The following EYA1 variants were observed in gnomAD, a reference collection of about 807,000 sequenced individuals.
The protein encoded by EYA1 is EYA transcriptional coactivator and phosphatase 1, also known as protein phosphatase EYA1.
In EYA1, 16 loss-of-function variants were observed where a neutral mutation model predicts 82.0. The ratio of observed to expected loss-of-function variants is 0.20; its 90% CI spans 0.13 to 0.30. EYA1 has a LOEUF of 0.30. Among genes scored for constraint, EYA1 ranks in the 10% least tolerant of loss-of-function variants. The pLI, the probability that EYA1 is intolerant of heterozygous loss-of-function variation, is 1.00. For synonymous variants in EYA1, 261 were observed against 264.4 expected (o/e 0.99, Z 0.12); for missense variants, 633 against 730.7 (o/e 0.87, Z 1.54).
chr8:71,447,082 TTA>T (rs5892279), intron 2 of EYA1, among the ~76,000 whole-genome samples: 56,133 of 144,652 alleles, frequency 0.39, 11,175 homozygotes, highest in East Asian at 0.67. Context: ...TTGATAATCT[TTA>T]TATATATATA....
intron 11 of EYA1, among the ~76,000 whole-genome samples, chr8:71,252,221 A>C (rs1294579068): frequency 6.6e-6 from 1 of 151,958 alleles, no homozygotes; most frequent in Non-Finnish European, 1.5e-5. Context: ...CACACACCAG[A>C]TGAAGGCATT....
chr8:71,427,675 A>G (rs1449240234), intron 2 of EYA1, among the ~76,000 whole-genome samples: 1 of 152,184 alleles, frequency 6.6e-6, no homozygotes, highest in East Asian at 1.9e-4. Context: ...TTCAACATAT[A>G]TGCTGAAAAA....
chr8:71,437,544 C>A (rs1216411641), intron 2 of EYA1, among the ~76,000 whole-genome samples: 1 of 151,808 alleles, frequency 6.6e-6, no homozygotes, highest in East Asian at 1.9e-4. Flanking sequence ...ATTATATAGG[C>A]ATTTCATGTG....
chr8:71,366,753 A>G (rs1827780188), upstream of EYA1, among the ~76,000 whole-genome samples: 3 of 152,116 alleles, frequency 2.0e-5, no homozygotes, highest in South Asian at 4.1e-4. Flanking sequence ...TTCCCTCACT[A>G]TTGGTTCTGG....
intron 4 of EYA1, among the ~76,000 whole-genome samples, chr8:71,328,305 G>A (rs1823402829): frequency 6.6e-6 from 1 of 152,050 alleles, no homozygotes. Flanking sequence ...GTTGATTTTT[G>A]TCTCTTTCAT....
chr8:71,464,674 A>C (rs1296748240), intron 2 of EYA1, among the ~76,000 whole-genome samples: 1 of 152,244 alleles, frequency 6.6e-6, no homozygotes, highest in Non-Finnish European at 1.5e-5. Context: ...ACAACTTATT[A>C]ATATAATTTG....
At chr8:71,529,516 C>T (rs772446744) in intron 2 of EYA1, 6 of 152,130 alleles carry the variant, frequency 3.9e-5, no homozygotes, top group Non-Finnish European at 8.8e-5. Context: ...CAGATATGTG[C>T]TTTCAAACTG....
intron 9 of EYA1, among the ~76,000 whole-genome samples, chr8:71,279,674 T>C (rs1172665806): frequency 1.3e-5 from 2 of 152,142 alleles, no homozygotes; most frequent in Non-Finnish European, 2.9e-5. Context: ...ATGGACAAGG[T>C]AAACAAAGAA....
chr8:71,421,173 A>G (rs2129149400), intron 2 of EYA1, among the ~76,000 whole-genome samples: 1 of 152,312 alleles, frequency 6.6e-6, no homozygotes, highest in South Asian at 2.1e-4. Flanking sequence ...AGGGATAAAA[A>G]GATGGATGAG....
intron 17 of EYA1, among the ~76,000 whole-genome samples, chr8:71,204,422 C>A (rs1807474010): frequency 6.6e-6 from 1 of 152,174 alleles, no homozygotes; most frequent in Admixed American, 6.5e-5. Context: ...AAAGCATATA[C>A]CCTCTGACTT....
At chr8:71,344,357 G>A (rs1298744885) in intron 3 of EYA1, among the ~76,000 whole-genome samples, 3 of 152,154 alleles carry the variant, frequency 2.0e-5, no homozygotes, top group Non-Finnish European at 2.9e-5. Context: ...CAATATTAAA[G>A]TAGACTTTTA....
At chr8:71,355,141 A>T (rs574501671) in intron 2 of EYA1, among the ~76,000 whole-genome samples, 9 of 152,360 alleles carry the variant, frequency 5.9e-5, no homozygotes, top group Admixed American at 3.3e-4. Context: ...TGAAGCTTTT[A>T]AAATTTCATT....
At chr8:71,225,834 A>T (rs1231089679) in intron 12 of EYA1, among the ~76,000 whole-genome samples, 1 of 152,232 alleles carries the variant, frequency 6.6e-6, no homozygotes, top group African/African-American at 2.4e-5. Flanking sequence ...CAGTGTCTTA[A>T]TATACTTAAT....
intron 1 of EYA1, among the ~76,000 whole-genome samples, chr8:71,536,608 A>G (rs1310781032): frequency 2.0e-5 from 3 of 152,232 alleles, no homozygotes; most frequent in Non-Finnish European, 2.9e-5. Flanking sequence ...AGATACTCTC[A>G]GGCTTTCTTG....
intron 12 of EYA1, chr8:71,225,446 A>G (rs1174499991): frequency 8.6e-6 from 3 of 350,770 alleles, no homozygotes; most frequent in Non-Finnish European, 1.7e-5. Context: ...GCAGAAAAAG[A>G]AAAAAATGGT....
chr8:71,218,975 T>C (rs917870228), intron 12 of EYA1, among the ~76,000 whole-genome samples: 1 of 151,916 alleles, frequency 6.6e-6, no homozygotes, highest in African/African-American at 2.4e-5. Context: ...AAAACTGACC[T>C]GGAATTCCCT....
rs376127842 is a variant in EYA1, at chr8:71,307,407, C to T, written c.557-7687G>A. On this transcript the variant is annotated intron_variant, in intron 7 of 17. Transcript: ENST00000340726. ...GCAACCTCTGCCTCCCAGGTTCAAG[C>T]GACTCTCGTGCCTCAGCCTCTTGAG... Among the ~76,000 whole-genome samples, 48 of 152,180 alleles carry T rather than the reference C, an allele frequency of 3.2e-4. No individual in the cohort carries two copies. In the South Asian group the frequency reaches 8.1e-3, roughly 26 times the overall value.
chr8:71,207,145 T>C (rs1317011772), intron 17 of EYA1, among the ~76,000 whole-genome samples: 1 of 152,206 alleles, frequency 6.6e-6, no homozygotes, highest in Non-Finnish European at 1.5e-5. Flanking sequence ...TATGTAGTTT[T>C]AAAAATGAGA....
intron 2 of EYA1, among the ~76,000 whole-genome samples, chr8:71,380,517 C>T (rs1209139687): frequency 6.6e-6 from 1 of 152,168 alleles, no homozygotes. Flanking sequence ...CATGTCTATG[C>T]TTTCTTCTTC....
Sources: allele counts gnomAD v4.1 joint callset (sites outside exome capture counted in the v4.1 genomes callset), GRCh38; gene constraint gnomAD v4.1.1; transcripts MANE v1.5; gene names NCBI Gene and HGNC (gene_info 2026-07-23, HGNC 2026-07-21).